Variants in SYT14 observed in about 807,000 individuals in gnomAD.
SYT14 encodes the protein synaptotagmin 14.
A neutral mutation model predicts 74.2 loss-of-function variants in SYT14; 32 were observed. The observed-to-expected ratio is 0.43, with a 90% CI of 0.33 to 0.58. The LOEUF is 0.58. SYT14 is among the 20% of genes least tolerant of loss of function. SYT14 has a pLI of 0.05. For synonymous variants in SYT14, 298 were observed against 337.7 expected, an observed-to-expected ratio of 0.88 and a Z score of 1.29; for missense variants, 791 against 981.8, an observed-to-expected ratio of 0.81 and a Z score of 2.60.
intron 7 of SYT14, among the ~76,000 whole-genome samples, chr1:210,113,581 T>C (rs1306810658): frequency 6.7e-6 from 1 of 150,372 alleles, no homozygotes; most frequent in East Asian, 1.9e-4. Flanking sequence ...GGGGTAAGGG[T>C]GATTAGGTTT....
At chr1:210,088,544 A>T (rs2081789712) in intron 5 of SYT14, among the ~76,000 whole-genome samples, 1 of 152,094 alleles carries the variant, frequency 6.6e-6, no homozygotes, top group Admixed American at 6.6e-5. Flanking sequence ...ACGTATGTTT[A>T]TTGCAGCACT....
exon 4 of SYT14, chr1:210,016,686 C>T (rs1311586446): frequency 1.6e-6 from 2 of 1,231,682 alleles, no homozygotes; most frequent in African/African-American, 3.1e-5. Flanking sequence ...GAGGAATATT[C>T]TAAATCTCGA....
chr1:209,981,487 T>C (rs1456743443), intron 2 of SYT14, among the ~76,000 whole-genome samples: 5 of 139,644 alleles, frequency 3.6e-5, no homozygotes, highest in African/African-American at 1.3e-4. Flanking sequence ...GATCTCACTC[T>C]GTTGCCCAAG....
chr1:210,067,461 A>G lies in SYT14; in HGVS notation c.1313-26861A>G, dbSNP rs2081316567. Among the ~76,000 whole-genome samples the G allele has an allele frequency of 3.9e-5, 6 of 152,016 alleles. No homozygotes were observed. The South Asian group carries it at 1.2e-3, about 32-fold the overall frequency. On this transcript the variant is annotated intron_variant, in intron 5 of 9. Coordinates refer to ENST00000637265, the Ensembl canonical transcript of SYT14. ...TTGTCCAGTTATTCAAGTCTTCTTTAATTTCTTTCAACGATGTTTTTCAGT... is the reference window on the plus strand; with the variant it reads ...TTGTCCAGTTATTCAAGTCTTCTTTGATTTCTTTCAACGATGTTTTTCAGT...
At chr1:210,152,565 CAAAACCCAACACACATTAG>C (rs2083187201) in intron 7 of SYT14, among the ~76,000 whole-genome samples, 1 of 152,032 alleles carries the variant, frequency 6.6e-6, no homozygotes, top group African/African-American at 2.4e-5. Context: ...TTCTTTCTTG[CAAAACCCAACACACATTAG>C]AAAAGGGTAA....
At chr1:210,121,749 G>C (rs560579131) in intron 7 of SYT14, among the ~76,000 whole-genome samples, 2 of 149,480 alleles carry the variant, frequency 1.3e-5, no homozygotes, top group Admixed American at 6.7e-5. Flanking sequence ...AGCCAAGATC[G>C]CACCACTGCA....
intron 1 of SYT14, among the ~76,000 whole-genome samples, chr1:209,949,707 G>A (rs1193967829): frequency 6.6e-6 from 1 of 151,942 alleles, no homozygotes; most frequent in African/African-American, 2.4e-5. Flanking sequence ...TGTATCCTTA[G>A]TATTCCTGTT....
chr1:210,024,836 T>TGA (rs2080376759), intron 5 of SYT14, among the ~76,000 whole-genome samples: 1 of 151,882 alleles, frequency 6.6e-6, no homozygotes, highest in Non-Finnish European at 1.5e-5. Flanking sequence ...AATGTTATAT[T>TGA]TTATCAGCCA....
At chr1:210,086,240 T>C (rs2081726524) in intron 5 of SYT14, among the ~76,000 whole-genome samples, 2 of 152,334 alleles carry the variant, frequency 1.3e-5, no homozygotes, top group South Asian at 4.1e-4. Context: ...TAGTTTAAGC[T>C]GGTATCTACC....
At chr1:210,093,394 T>A (rs912984553) in intron 5 of SYT14, among the ~76,000 whole-genome samples, 6 of 147,206 alleles carry the variant, frequency 4.1e-5, no homozygotes, top group Non-Finnish European at 8.9e-5. Flanking sequence ...AAATTTAATG[T>A]TTAGTATTGC....
intron 5 of SYT14, among the ~76,000 whole-genome samples, chr1:210,039,114 T>A (rs1357635722): frequency 6.6e-6 from 1 of 152,116 alleles, no homozygotes; most frequent in Non-Finnish European, 1.5e-5. Context: ...AATTCTTTTA[T>A]TTATTTTTGT....
chr1:210,108,642 A>G (rs2102571223), intron 7 of SYT14, among the ~76,000 whole-genome samples: 1 of 152,092 alleles, frequency 6.6e-6, no homozygotes, highest in South Asian at 2.1e-4. Context: ...AAAAAAAAGG[A>G]CAAATAACTG....
At chr1:209,982,943 C>A (rs1188196884) in intron 2 of SYT14, among the ~76,000 whole-genome samples, 1 of 152,120 alleles carries the variant, frequency 6.6e-6, no homozygotes, top group Non-Finnish European at 1.5e-5. Context: ...ACCCTGATAA[C>A]AGATGTTGTG....
chr1:210,133,575 T>C (rs895477385), intron 7 of SYT14, among the ~76,000 whole-genome samples: 1 of 152,178 alleles, frequency 6.6e-6, no homozygotes, highest in Non-Finnish European at 1.5e-5. Flanking sequence ...TGGTGTCCAG[T>C]GTATTAGTAT....
intron 4 of SYT14, chr1:210,017,215 T>G: frequency 1.5e-6 from 1 of 669,138 alleles, no homozygotes; most frequent in African/African-American, 1.9e-5. Flanking sequence ...ATTTAAGACT[T>G]TCTTGAATCC....
intron 7 of SYT14, among the ~76,000 whole-genome samples, chr1:210,135,586 A>C (rs764372493): frequency 6.6e-6 from 1 of 152,066 alleles, no homozygotes; most frequent in Non-Finnish European, 1.5e-5. Context: ...AGTTTTTATC[A>C]ATTGACTTTT....
At chr1:210,149,590 TTTTC>T (rs2083118238) in intron 7 of SYT14, among the ~76,000 whole-genome samples, 1 of 152,184 alleles carries the variant, frequency 6.6e-6, no homozygotes, top group South Asian at 2.1e-4. Context: ...TATGATTCAT[TTTTC>T]TTCTATCTTA....
intron 5 of SYT14, among the ~76,000 whole-genome samples, chr1:210,040,315 CAAT>C (rs928003904): frequency 1.3e-5 from 2 of 151,928 alleles, no homozygotes; most frequent in African/African-American, 4.8e-5. Context: ...GGGAGTTAAA[CAAT>C]GAGAACACAT....
chr1:210,051,301 G>T (rs1481944146), intron 5 of SYT14, among the ~76,000 whole-genome samples: 2 of 152,100 alleles, frequency 1.3e-5, no homozygotes, highest in Non-Finnish European at 2.9e-5. Flanking sequence ...ATCCAATAAG[G>T]TTGTACAGTA....
Sources: allele counts gnomAD v4.1 joint callset (sites outside exome capture counted in the v4.1 genomes callset), GRCh38; gene constraint gnomAD v4.1.1; transcripts MANE v1.5; gene names NCBI Gene and HGNC (gene_info 2026-07-23, HGNC 2026-07-21).